Variants in FAM168A observed in about 807,000 individuals in gnomAD.
FAM168A encodes family with sequence similarity 168 member A, also known as protein FAM168A.
In FAM168A, 3 loss-of-function variants were observed where a neutral mutation model predicts 28.5. The observed-to-expected ratio is 0.11, with a 90% CI of 0.05 to 0.27. The LOEUF (loss-of-function observed/expected upper bound fraction) is 0.27, where lower values mean the gene tolerates loss of function less well. Among genes scored for constraint, FAM168A ranks in the 10% least tolerant of loss-of-function variants. The probability of loss-of-function intolerance (pLI) is 1.00; values close to 1 mark genes in which losing one functional copy is unlikely to be tolerated. For synonymous variants in FAM168A, 122 were observed against 124.2 expected (o/e 0.98, Z 0.12); for missense variants, 222 against 311.5 (o/e 0.71, Z 2.16).
chr11:73,412,514 T>G (rs1332108845), intron 4 of FAM168A, among the ~76,000 whole-genome samples: 1 of 152,224 alleles, frequency 6.6e-6, no homozygotes, highest in East Asian at 1.9e-4. Context: ...ACTTGAAACA[T>G]GAGTCATTCA....
intron 1 of FAM168A, among the ~76,000 whole-genome samples, chr11:73,524,517 C>T (rs189056348): frequency 6.6e-6 from 1 of 151,312 alleles, no homozygotes; most frequent in Non-Finnish European, 1.5e-5. Context: ...TAATTTATTT[C>T]TTTCCTCTTC....
At chr11:73,582,848 G>C (rs1166170663) in intron 1 of FAM168A, among the ~76,000 whole-genome samples, 1 of 152,202 alleles carries the variant, frequency 6.6e-6, no homozygotes, top group African/African-American at 2.4e-5. Context: ...CATAAATCAA[G>C]TTCTTTCTGA....
At chr11:73,591,640 G>T (rs1944383025) in intron 1 of FAM168A, among the ~76,000 whole-genome samples, 1 of 152,124 alleles carries the variant, frequency 6.6e-6, no homozygotes, top group African/African-American at 2.4e-5. Context: ...CTCCAAAATA[G>T]CTATGAACAG....
At chr11:73,504,374 C>T (rs1406855799) in intron 1 of FAM168A, among the ~76,000 whole-genome samples, 3 of 152,140 alleles carry the variant, frequency 2.0e-5, no homozygotes, top group Non-Finnish European at 2.9e-5. Context: ...CAAAAGAAGA[C>T]ATTTACGTGG....
intron 4 of FAM168A, among the ~76,000 whole-genome samples, chr11:73,414,438 T>C (rs1008963665): frequency 1.3e-5 from 2 of 152,170 alleles, no homozygotes; most frequent in African/African-American, 4.8e-5. Flanking sequence ...CCCTTTTCTA[T>C]GCAGGAGAGT....
At chr11:73,453,183 T>C (rs1025451209) in intron 2 of FAM168A, among the ~76,000 whole-genome samples, 1 of 152,234 alleles carries the variant, frequency 6.6e-6, no homozygotes, top group Non-Finnish European at 1.5e-5. Context: ...ACACGGTGTA[T>C]GGCCCATAAG....
chr11:73,420,088 C>A, intron 3 of FAM168A, 89 bp from the exon 4 acceptor site: 1 of 1,506,908 alleles, frequency 6.6e-7, no homozygotes, highest in Non-Finnish European at 9.0e-7. Flanking sequence ...TTGTGCTGGA[C>A]AGAAACATAC....
At chr11:73,489,313 T>C (rs1431393400) in intron 1 of FAM168A, among the ~76,000 whole-genome samples, 1 of 152,160 alleles carries the variant, frequency 6.6e-6, no homozygotes, top group Non-Finnish European at 1.5e-5. Flanking sequence ...CTTTCTCTCA[T>C]CTTTCTTCCT....
intron 1 of FAM168A, among the ~76,000 whole-genome samples, chr11:73,532,868 G>C (rs1943531101): frequency 6.6e-6 from 1 of 152,184 alleles, no homozygotes; most frequent in African/African-American, 2.4e-5. Flanking sequence ...TATTTTTTCA[G>C]GTGAACTTGG....
At chr11:73,456,314 T>C (rs543689640) in intron 2 of FAM168A, among the ~76,000 whole-genome samples, 13 of 152,252 alleles carry the variant, frequency 8.5e-5, no homozygotes, top group African/African-American at 2.6e-4. Flanking sequence ...TGAGTAAAGA[T>C]TTTTCCCCCT....
intron 1 of FAM168A, among the ~76,000 whole-genome samples, chr11:73,518,729 C>G (rs543289742): frequency 6.6e-6 from 1 of 152,202 alleles, no homozygotes; most frequent in East Asian, 1.9e-4. Flanking sequence ...AACCCCATCT[C>G]TACTAAAAAA....
intron 1 of FAM168A, among the ~76,000 whole-genome samples, chr11:73,573,529 C>T (rs1189817410): frequency 6.6e-6 from 1 of 152,220 alleles, no homozygotes; most frequent in African/African-American, 2.4e-5. Flanking sequence ...ACTTTATCTA[C>T]CCAGAACATC....
rs149461311 is a variant in FAM168A at position 73,408,162 on chromosome 11, C to G, written c.596-519G>C. 2.3e-3 allele frequency among the ~76,000 whole-genome samples: 350 copies of G among 152,330 alleles called. 2 individuals are homozygous for G. The highest frequency in any genetic ancestry group is 7.9e-3 in the African/African-American group (330 of 41,572). ...CTGGGATTACAGGCATGAGGCACCA[C>G]GCCCGGCCTTCCTTTTACTTTTCTT... On this transcript the variant is annotated intron_variant, in intron 6 of 7. Coordinates refer to ENST00000356467, the MANE Select transcript of FAM168A (RefSeq NM_015159.3).
At chr11:73,592,822 A>C (rs1565312049) in intron 1 of FAM168A, among the ~76,000 whole-genome samples, 1 of 151,904 alleles carries the variant, frequency 6.6e-6, no homozygotes, top group Non-Finnish European at 1.5e-5. Flanking sequence ...TGGGAGGCCG[A>C]GGAAGGAGGA....
At position 73,406,018 on chromosome 11, in the gene FAM168A, G is replaced by A. The variant is rs1048807860; in HGVS notation, c.*745C>T. On this transcript the variant is annotated 3_prime_UTR_variant, in exon 8 of 8. Coordinates refer to ENST00000356467, the MANE Select transcript of FAM168A (RefSeq NM_015159.3). The stretch of plus-strand genomic sequence containing the variant: ...TCACTGTGCAAATCAGAAGGTCCAG[G>A]GCCAGATGCTTTGGCCAGAGACCTT... 2.6e-5 allele frequency: 4 copies of A among 152,556 alleles called. No individual in the cohort carries two copies. The highest frequency in any genetic ancestry group is 9.7e-5 in the African/African-American group (4 of 41,404). 9.5% of individuals were successfully genotyped at this position (152,556 alleles called of 1,614,324 possible).
intron 2 of FAM168A, among the ~76,000 whole-genome samples, chr11:73,443,347 G>A (rs988416585): frequency 6.6e-6 from 1 of 152,110 alleles, no homozygotes; most frequent in African/African-American, 2.4e-5. Flanking sequence ...GCAAAAGGAA[G>A]ACATAATTCT....
chr11:73,488,004 TA>T (rs1370586566), intron 1 of FAM168A, among the ~76,000 whole-genome samples: 3 of 152,240 alleles, frequency 2.0e-5, no homozygotes, highest in Non-Finnish European at 4.4e-5. Flanking sequence ...CAACCCTGGT[TA>T]AATTCAGTCA....
chr11:73,468,640 T>G (rs1320697397), intron 1 of FAM168A, 148 bp from the exon 2 acceptor site: 3 of 616,748 alleles, frequency 4.9e-6, no homozygotes, highest in Non-Finnish European at 5.7e-6. Flanking sequence ...AATTTGCTTG[T>G]AGTTGGCCCT....
At chr11:73,564,737 C>G (rs1257615798) in intron 1 of FAM168A, among the ~76,000 whole-genome samples, 1 of 122,312 alleles carries the variant, frequency 8.2e-6, no homozygotes, top group African/African-American at 3.3e-5. Flanking sequence ...AGTGAGACTC[C>G]GTCACAAAAA....
Sources: allele counts gnomAD v4.1 joint callset (sites outside exome capture counted in the v4.1 genomes callset), GRCh38; gene constraint gnomAD v4.1.1; transcripts MANE v1.5; gene names NCBI Gene and HGNC (gene_info 2026-07-23, HGNC 2026-07-21).